EYA1: variants seen among roughly 807,000 people sequenced by gnomAD.
The protein encoded by EYA1 is protein phosphatase EYA1.
A neutral mutation model predicts 82.0 loss-of-function variants in EYA1; 16 were observed. That is an observed-to-expected ratio of 0.20 (90% CI 0.13 to 0.30). The LOEUF (loss-of-function observed/expected upper bound fraction) is 0.30, where lower values mean the gene tolerates loss of function less well. Among genes scored for constraint, EYA1 ranks in the 10% least tolerant of loss-of-function variants. The pLI is 1.00. For missense variants in EYA1, 633 were observed against 730.7 expected, an observed-to-expected ratio of 0.87 and a Z score of 1.54; for synonymous variants, 261 against 264.4, an observed-to-expected ratio of 0.99 and a Z score of 0.12.
intron 2 of EYA1, among the ~76,000 whole-genome samples, chr8:71,525,442 G>A (rs1813734625): frequency 6.6e-6 from 1 of 152,114 alleles, no homozygotes; most frequent in Non-Finnish European, 1.5e-5. Context: ...ATCTAGTGGA[G>A]TACCTTAGAA....
chr8:71,524,081 GTTAT>G (rs1813639077), intron 2 of EYA1, among the ~76,000 whole-genome samples: 1 of 152,174 alleles, frequency 6.6e-6, no homozygotes, highest in Non-Finnish European at 1.5e-5. Context: ...AAATTTATAA[GTTAT>G]TTGAGTTCCA....
intron 2 of EYA1, among the ~76,000 whole-genome samples, chr8:71,463,589 CTCTCTCTCTCTCT>C (rs1212916948): frequency 2.0e-5 from 1 of 49,348 alleles, no homozygotes; most frequent in Non-Finnish European, 3.6e-5. Context: ...CTCTCTCTCT[CTCTCTCTCTCTCT>C]CTCTCTCTCT....
At chr8:71,287,052 G>A (rs536949300) in intron 9 of EYA1, among the ~76,000 whole-genome samples, 50 of 151,614 alleles carry the variant, frequency 3.3e-4, no homozygotes, top group African/African-American at 1.1e-3. Context: ...CACCCTCTTC[G>A]GCCTCCCAAA....
intron 2 of EYA1, among the ~76,000 whole-genome samples, chr8:71,447,503 T>C (rs530714963): frequency 2.0e-5 from 3 of 152,302 alleles, no homozygotes; most frequent in African/African-American, 4.8e-5. Flanking sequence ...ACTTTTCAGA[T>C]TGATGTTTTG....
intron 2 of EYA1, among the ~76,000 whole-genome samples, chr8:71,426,802 T>C (rs1028379117): frequency 6.6e-6 from 1 of 152,238 alleles, no homozygotes; most frequent in Non-Finnish European, 1.5e-5. Flanking sequence ...TCTTTGTTAT[T>C]AGTTGCTTTG....
At chr8:71,203,158 CA>C (rs750963642) in intron 17 of EYA1, among the ~76,000 whole-genome samples, 12 of 152,264 alleles carry the variant, frequency 7.9e-5, no homozygotes, top group South Asian at 4.1e-4. Context: ...ATGTGACCTT[CA>C]ATTATGGCAC....
At chr8:71,472,953 A>G (rs1809346357) in intron 2 of EYA1, among the ~76,000 whole-genome samples, 1 of 151,794 alleles carries the variant, frequency 6.6e-6, no homozygotes, top group South Asian at 2.1e-4. Flanking sequence ...AATAGTATAA[A>G]GCAATGGTTT....
rs574150425 is a variant in EYA1, at chr8:71,518,240, T to C, written c.33+17504A>G. On this transcript the variant is annotated intron_variant, in intron 2 of 18. Coordinates refer to the EYA1 transcript ENST00000643681. ...ATTTCTTAAATCTTTACTACATACT[T>C]ACTTAGAGTCTTAGTTCTTCTTGCC... is the stretch of plus-strand genomic sequence containing the variant. Among the ~76,000 whole-genome samples the C allele has an allele frequency of 3.3e-5, 5 of 152,264 alleles. No individual in the cohort carries two copies. In the South Asian group the frequency reaches 1.0e-3, roughly 32 times the overall value.
At chr8:71,466,279 G>T in intron 2 of EYA1, among the ~76,000 whole-genome samples, 1 of 152,064 alleles carries the variant, frequency 6.6e-6, no homozygotes, top group Non-Finnish European at 1.5e-5. Context: ...TTGCATATAC[G>T]AGTAAGCACA....
Position 71,317,627 on chromosome 8 carries a change from T to C in EYA1, c.481A>G (p.Thr161Ala), listed in dbSNP as rs2129025242. Residue 161 changes from threonine (T) to alanine (A), a missense_variant, in exon 7 of 18, where the codon ACA (threonine) becomes GCA (alanine). Physicochemically the swap from Thr to Ala is moderately conservative, Grantham distance 58. Coordinates refer to ENST00000340726, the MANE Select transcript of EYA1 (RefSeq NM_000503.6). ...GLSQSQSPGQ[T>A]GFLSYGTSFS... ...CTTGTGCCATAGCTGAGAAATCCTG[T>C]CTGTCCAGGTGACTGAGACTGTGAC... is the stretch of plus-strand genomic sequence containing the variant. 6.2e-7 allele frequency: 1 copy of C among 1,614,170 alleles called. No individual in the cohort carries two copies. Among genetic ancestry groups the C allele is most frequent in the Non-Finnish European group, 8.5e-7 (1 of 1,180,000 alleles).
At chr8:71,386,432 C>T (rs1054852690) in intron 2 of EYA1, among the ~76,000 whole-genome samples, 1 of 152,124 alleles carries the variant, frequency 6.6e-6, no homozygotes, top group Non-Finnish European at 1.5e-5. Flanking sequence ...TGAAAAAAGC[C>T]AGAAATTTAT....
chr8:71,540,894 TA>T (rs1305328857), intron 1 of EYA1, among the ~76,000 whole-genome samples: 1 of 152,174 alleles, frequency 6.6e-6, no homozygotes, highest in African/African-American at 2.4e-5. Context: ...TATTCTGAAA[TA>T]AGTCCCCAGA....
In EYA1 at chr8:71,361,842, G is replaced by C; in HGVS notation, c.-250C>G. The C allele has an allele frequency of 2.0e-6, 2 of 985,482 alleles. No homozygotes were observed. The highest frequency in any genetic ancestry group is 2.4e-6 in the Non-Finnish European group (2 of 829,942). 61.0% of individuals were successfully genotyped at this position (985,482 alleles called of 1,614,324 possible). A position where few individuals can be genotyped will look rare whatever the true frequency, so the allele number is the denominator to read the frequency against. On this transcript the variant is annotated 5_prime_UTR_variant, in exon 1 of 18. Coordinates refer to ENST00000340726, the MANE Select transcript of EYA1 (RefSeq NM_000503.6). ...AGCTCGGCGCAGGGGGCAGGCGCCTGGCCGCTGCCGCAGGCTCGGGCTGCC... is the reference window on the plus strand; with the variant it reads ...AGCTCGGCGCAGGGGGCAGGCGCCTCGCCGCTGCCGCAGGCTCGGGCTGCC...
chr8:71,351,207 G>A (rs1420089694), intron 3 of EYA1, among the ~76,000 whole-genome samples: 3 of 152,134 alleles, frequency 2.0e-5, no homozygotes, highest in African/African-American at 7.2e-5. Flanking sequence ...AAGTTTTTCA[G>A]ACTAACTGTC....
At chr8:71,493,670 A>G (rs1811183650) in intron 2 of EYA1, among the ~76,000 whole-genome samples, 1 of 151,832 alleles carries the variant, frequency 6.6e-6, no homozygotes, top group African/African-American at 2.4e-5. Flanking sequence ...ATTTCATTAT[A>G]TATTATATAT....
intron 17 of EYA1, among the ~76,000 whole-genome samples, chr8:71,201,656 A>G (rs1807035580): frequency 6.6e-6 from 1 of 152,190 alleles, no homozygotes; most frequent in Non-Finnish European, 1.5e-5. Context: ...ATATGTACAT[A>G]CTCAAACATA....
chr8:71,546,432 C>T (rs1019238157), intron 1 of EYA1, among the ~76,000 whole-genome samples: 1 of 152,112 alleles, frequency 6.6e-6, no homozygotes, highest in Non-Finnish European at 1.5e-5. Context: ...ACATGGACAT[C>T]CTGCTGTTAC....
chr8:71,440,361 A>G (rs1431575981), intron 2 of EYA1, among the ~76,000 whole-genome samples: 1 of 152,206 alleles, frequency 6.6e-6, no homozygotes, highest in Admixed American at 6.5e-5. Context: ...TGGAAAAATC[A>G]CTTGGAAGCT....
intron 2 of EYA1, among the ~76,000 whole-genome samples, chr8:71,387,224 C>A (rs959321819): frequency 6.6e-6 from 1 of 151,922 alleles, no homozygotes; most frequent in Non-Finnish European, 1.5e-5. Context: ...AAGGAAGAAA[C>A]TGAATATTAA....
Sources: allele counts gnomAD v4.1 joint callset (sites outside exome capture counted in the v4.1 genomes callset), GRCh38; gene constraint gnomAD v4.1.1; transcripts MANE v1.5; gene names NCBI Gene and HGNC (gene_info 2026-07-23, HGNC 2026-07-21).